TCP1: variants seen among roughly 807,000 people sequenced by gnomAD.
The protein encoded by TCP1 is t-complex 1.
TCP1 carries 6 observed loss-of-function variants against 54.7 expected under a neutral mutation model. The observed-to-expected ratio is 0.11, with a 90% CI of 0.06 to 0.22. TCP1 has a LOEUF of 0.22. Among genes scored for constraint, TCP1 ranks in the 10% least tolerant of loss-of-function variants. The pLI, the probability that TCP1 is intolerant of heterozygous loss-of-function variation, is 1.00. For missense variants in TCP1, 511 were observed against 678.2 expected, an observed-to-expected ratio of 0.75 and a Z score of 2.74; for synonymous variants, 225 against 229.7, an observed-to-expected ratio of 0.98 and a Z score of 0.19.
chr6:159,786,785 C>T lies in TCP1; in HGVS notation c.280-788G>A, dbSNP rs1468777002. 1.3e-5 allele frequency among the ~76,000 whole-genome samples: 2 copies of T among 152,172 alleles called. 1 individual carries two copies. The highest frequency in any genetic ancestry group is 3.8e-4 in the East Asian group (2 of 5,200). On this transcript the variant is annotated intron_variant, in intron 3 of 11. Coordinates refer to ENST00000321394, the MANE Select transcript of TCP1 (RefSeq NM_030752.3). The stretch of plus-strand genomic sequence containing the variant: ...GTTTCTCCAGAATTAACATCTTTCT[C>T]ACCAAACAATAGTGTTTCTACTATA...
chr6:159,780,545 G>C lies in TCP1; in HGVS notation c.995C>G (p.Ala332Gly), dbSNP rs148556538. The change falls in exon 9 of 12, where the codon GCC becomes GGC. Residue 332 changes from alanine (A) to glycine (G), a missense_variant. Ala to Gly is a moderately conservative substitution (Grantham distance 60, BLOSUM62 0). Coordinates refer to ENST00000321394, the MANE Select transcript of TCP1 (RefSeq NM_030752.3). ...AAAAGTTTCTTCACCTTCCAAATTGGCCAGGGTTGACAGAATAGTTGCTAA... is the reference window on the plus strand; with the variant it reads ...AAAAGTTTCTTCACCTTCCAAATTGCCCAGGGTTGACAGAATAGTTGCTAA... ...ASGATILSTL[A>G]NLEGEETFEA... 337 of 1,613,670 alleles carry C rather than the reference G, an allele frequency of 2.1e-4. No homozygotes were observed. In the African/African-American group the frequency reaches 4.0e-3, roughly 19 times the overall value.
chr6:159,789,318 A>G, intron 1 of TCP1, 87 bp downstream of exon 1: 2 of 1,511,374 alleles, frequency 1.3e-6, no homozygotes, highest in South Asian at 2.3e-5. Context: ...GAGGTAAAGG[A>G]GAGAAACGAG....
rs1476404520 is a variant in TCP1, at chr6:159,789,573, G to A, written c.-105C>T. ...ACAGCAGTGGCTGCGACGGCGTGGAGCGTACCCGAGCGATGTCCCAGGAGC... is the reference window on the plus strand; with the variant it reads ...ACAGCAGTGGCTGCGACGGCGTGGAACGTACCCGAGCGATGTCCCAGGAGC... On this transcript the variant is annotated 5_prime_UTR_variant, in exon 1 of 12. Transcript: ENST00000321394. The A allele has an allele frequency of 4.4e-6, 6 of 1,368,316 alleles. No homozygotes were observed. Among genetic ancestry groups the A allele is most frequent in the African/African-American group, 2.9e-5 (2 of 69,504 alleles). The allele number at this position is 1,368,316 out of a possible 1,614,324, so 84.8% of individuals were successfully genotyped here.
chr6:159,789,236 G>A, intron 1 of TCP1, 169 bp downstream of exon 1: 1 of 691,152 alleles, frequency 1.4e-6, no homozygotes, highest in East Asian at 2.9e-5. Context: ...GAAAAGTGGG[G>A]CCACAGCGCC....
At chr6:159,781,621 A>T (rs922501075) in intron 7 of TCP1, among the ~76,000 whole-genome samples, 1 of 152,108 alleles carries the variant, frequency 6.6e-6, no homozygotes, top group Non-Finnish European at 1.5e-5. Context: ...AAATACAAAA[A>T]ATTAGTTGGG....
Position 159,778,503 on chromosome 6 carries a change from T to G in TCP1, c.*542A>C, listed in dbSNP as rs1780484247. Reference sequence around the variant, plus strand: ...CGAGGTAAGATAGGCAGGGATGAATTTTCACAAAGGTGTAAATTTATTCCT... The same window carrying G: ...CGAGGTAAGATAGGCAGGGATGAATGTTCACAAAGGTGTAAATTTATTCCT... On this transcript the variant is annotated 3_prime_UTR_variant, in exon 12 of 12. Transcript: ENST00000321394. 1 of 877,526 alleles carries G rather than the reference T, an allele frequency of 1.1e-6. No individual in the cohort carries two copies. Among genetic ancestry groups the G allele is most frequent in the Admixed American group, 3.1e-5 (1 of 31,988 alleles). The allele number at this position is 877,526 out of a possible 1,614,324, so 54.4% of individuals were successfully genotyped here.
rs563778142 is a variant in TCP1, at chr6:159,786,660, C to T, written c.280-663G>A. Among the ~76,000 whole-genome samples, 7 of 152,278 alleles carry T rather than the reference C, an allele frequency of 4.6e-5. No homozygotes were observed. In the South Asian group the frequency reaches 1.2e-3, roughly 27 times the overall value. Reference sequence around the variant, plus strand: ...AACTACATTTGTTAAATCACATTATCGTAAGTTAGACAAAGATCATATTCA... The same window carrying T: ...AACTACATTTGTTAAATCACATTATTGTAAGTTAGACAAAGATCATATTCA... On this transcript the variant is annotated intron_variant, in intron 3 of 11. Transcript: ENST00000321394.
intron 7 of TCP1, 30 bp from the exon 8 acceptor site, chr6:159,781,140 C>G: frequency 2.7e-6 from 4 of 1,506,066 alleles, no homozygotes; most frequent in Non-Finnish European, 3.6e-6. Flanking sequence ...CCTGAGTTAC[C>G]TTCTGTGATT....
intron 8 of TCP1, 116 bp downstream of exon 8, chr6:159,780,819 T>C: frequency 7.5e-7 from 1 of 1,341,246 alleles, no homozygotes; most frequent in Non-Finnish European, 1.0e-6. Flanking sequence ...GCACAAAGCA[T>C]TAAGAGAATA....
Position 159,788,154 on chromosome 6 carries a change from T to C in TCP1, c.65-11A>G, listed in dbSNP as rs1295916040. On this transcript the variant is annotated splice_polypyrimidine_tract_variant and intron_variant, in intron 1 of 11. Transcript: ENST00000321394. ...AAGCTGCAGCCATAACTGTAGACAATCAATTAAAAATAAAAAAGAAATGAG... is the reference window on the plus strand; with the variant it reads ...AAGCTGCAGCCATAACTGTAGACAACCAATTAAAAATAAAAAAGAAATGAG... 1.2e-6 allele frequency: 2 copies of C among 1,612,732 alleles called. No individual in the cohort carries two copies. Among genetic ancestry groups the C allele is most frequent in the Non-Finnish European group, 1.7e-6 (2 of 1,179,384 alleles).
chr6:159,786,281 C>T (rs1000332075), intron 3 of TCP1, among the ~76,000 whole-genome samples: 1 of 152,030 alleles, frequency 6.6e-6, no homozygotes. Flanking sequence ...GGGAGGAAAA[C>T]TTGTTTTTTT....
chr6:159,789,413 G>C lies in TCP1; in HGVS notation c.56C>G (p.Ser19Cys). 6.2e-7 allele frequency: 1 copy of C among 1,613,864 alleles called. No homozygotes were observed. Among genetic ancestry groups the C allele is most frequent in the South Asian group, 1.1e-5 (1 of 91,078 alleles). Residue 19 changes from serine to cysteine, a missense_variant, in exon 1 of 12, where the codon TCC (serine) becomes TGC (cysteine). Ser to Cys is a moderately radical substitution (Grantham distance 112, BLOSUM62 -1). Transcript: ENST00000321394. ...GCCCGGCCCGCCCTTACCGTTTTGG[G>C]AGCGGATCGTTTCCCCAGTGCTGCG... Reference protein sequence around the residue: ...GDRSTGETIRSQNVMAAASIA... With the variant: ...GDRSTGETIRCQNVMAAASIA...
rs1187488598 is a variant in TCP1 at position 159,778,838 on chromosome 6, A to G, written c.*207T>C. ...GTGTTCAGAGAGAATGAATTGCTTA[A>G]ACTTTGAACAACCTCAATTTCTTTT... On this transcript the variant is annotated 3_prime_UTR_variant, in exon 12 of 12. Coordinates refer to ENST00000321394, the MANE Select transcript of TCP1 (RefSeq NM_030752.3). 1 of 1,614,036 alleles carries G rather than the reference A, an allele frequency of 6.2e-7. No homozygotes were observed. The highest frequency in any genetic ancestry group is 1.7e-5 in the Admixed American group (1 of 60,012).
At chr6:159,780,148 A>G in intron 9 of TCP1, 61 bp from the exon 10 acceptor site, 1 of 1,561,434 alleles carries the variant, frequency 6.4e-7, no homozygotes, top group Non-Finnish European at 8.7e-7. Context: ...TTTTGCCAAG[A>G]CCATCAATTT....
Position 159,789,569 on chromosome 6 carries a change from T to C in TCP1, c.-101A>G. 1 of 1,418,268 alleles carries C rather than the reference T, an allele frequency of 7.1e-7. No homozygotes were observed. Among genetic ancestry groups the C allele is most frequent in the South Asian group, 1.2e-5 (1 of 83,106 alleles). 87.9% of individuals were successfully genotyped at this position (1,418,268 alleles called of 1,614,324 possible). On this transcript the variant is annotated 5_prime_UTR_variant, in exon 1 of 12. Transcript: ENST00000321394. ...GACCACAGCAGTGGCTGCGACGGCG[T>C]GGAGCGTACCCGAGCGATGTCCCAG...
chr6:159,789,498 G>A lies in TCP1; in HGVS notation c.-30C>T. 1 of 1,613,544 alleles carries A rather than the reference G, an allele frequency of 6.2e-7. No homozygotes were observed. Among genetic ancestry groups the A allele is most frequent in the Non-Finnish European group, 8.5e-7 (1 of 1,179,682 alleles). ...ACGGCAGCGATACACGTCGAATTCT[G>A]CTTACACCGCGGGCAACCAGTATCG... On this transcript the variant is annotated 5_prime_UTR_variant, in exon 1 of 12. Coordinates refer to ENST00000321394, the MANE Select transcript of TCP1 (RefSeq NM_030752.3).
rs780688441 is a variant in TCP1, at chr6:159,779,691, C to G, written c.1390G>C (p.Val464Leu). The G allele has an allele frequency of 6.2e-7, 1 of 1,613,164 alleles. No homozygotes were observed. The highest frequency in any genetic ancestry group is 1.3e-5 in the African/African-American group (1 of 74,918). Residue 464 changes from valine to leucine, a missense_variant, in exon 11 of 12, where the codon GTT becomes CTT. Physicochemically the swap from Val to Leu is conservative, Grantham distance 32 (BLOSUM62 1). Around this residue, in one of 5 missense-constraint regions of TCP1, gnomAD observed 88 missense variants for 153.1 expected, o/e 0.57. Coordinates refer to ENST00000321394, the MANE Select transcript of TCP1 (RefSeq NM_030752.3). ...VNAAQDSTDLVAKLRAFHNEA... is the reference protein window; with the variant it reads ...VNAAQDSTDLLAKLRAFHNEA... The stretch of plus-strand genomic sequence containing the variant: ...TTATGAAAAGCTCTTAATTTTGCAA[C>G]CAGATCTGTGGAGTCCTGGGCAGCA...
At chr6:159,784,094 A>C (rs1007617189) in intron 6 of TCP1, 27 bp from the exon 7 acceptor site, 5 of 1,608,186 alleles carry the variant, frequency 3.1e-6, no homozygotes, top group Non-Finnish European at 3.4e-6. Context: ...GATTAAGTTA[A>C]TACGTCTATC....
rs1780498748 is a variant in TCP1 at position 159,778,837 on chromosome 6, A to C, written c.*208T>G. Reference sequence around the variant, plus strand: ...TGTGTTCAGAGAGAATGAATTGCTTAAACTTTGAACAACCTCAATTTCTTT... The same window carrying C: ...TGTGTTCAGAGAGAATGAATTGCTTCAACTTTGAACAACCTCAATTTCTTT... On this transcript the variant is annotated 3_prime_UTR_variant, in exon 12 of 12. Coordinates refer to ENST00000321394, the MANE Select transcript of TCP1 (RefSeq NM_030752.3). 1.9e-6 allele frequency: 3 copies of C among 1,614,078 alleles called. No individual in the cohort carries two copies. Among genetic ancestry groups the C allele is most frequent in the Non-Finnish European group, 2.5e-6 (3 of 1,179,944 alleles).
Sources: allele counts gnomAD v4.1 joint callset (sites outside exome capture counted in the v4.1 genomes callset), GRCh38; gene constraint gnomAD v4.1.1; regional missense constraint gnomAD v4.1.1; transcripts MANE v1.5; gene names NCBI Gene and HGNC (gene_info 2026-07-23, HGNC 2026-07-21).